TENM3: variants seen among roughly 807,000 people sequenced by gnomAD.
The protein encoded by TENM3 is teneurin transmembrane protein 3.
TENM3 carries 63 observed loss-of-function variants against 255.1 expected under a neutral mutation model. The observed-to-expected ratio is 0.25, with a 90% CI of 0.20 to 0.30. The LOEUF is 0.30. Among genes scored for constraint, TENM3 ranks in the 10% least tolerant of loss-of-function variants. The pLI is 1.00. For synonymous variants in TENM3, 1,306 were observed against 1,322.3 expected, an observed-to-expected ratio of 0.99 and a Z score of 0.27; for missense variants, 2,929 against 3,461.1, an observed-to-expected ratio of 0.85 and a Z score of 3.86.
upstream of TENM3, chr4:182,141,263 C>G (rs1749397194): frequency 6.6e-6 from 1 of 152,266 alleles, no homozygotes; most frequent in Non-Finnish European, 1.5e-5. Context: ...CGATGTCTTG[C>G]ATTTCTTCTC....
At chr4:181,754,612 G>A in the TENM3 span, among the ~76,000 whole-genome samples, 1 of 152,128 alleles carries the variant, frequency 6.6e-6, no homozygotes, top group African/African-American at 2.4e-5. Flanking sequence ...TATTAAATAT[G>A]TTTAAGAAAT....
the TENM3 span, among the ~76,000 whole-genome samples, chr4:181,506,401 G>A: frequency 1.3e-4 from 19 of 151,064 alleles, 1 homozygote; most frequent in Admixed American, 1.1e-3. Flanking sequence ...ATTTCTGGCC[G>A]CTGTATCTTA....
Position 182,743,727 on chromosome 4 carries a change from C to A in TENM3, c.3629+308C>A, listed in dbSNP as rs533514712. On this transcript the variant is annotated intron_variant, in intron 19 of 27. Transcript: ENST00000511685. ...ATCTCTTTCGCTTTCTTTAGAATAACCCTGTGACATAGGTGTAGCTCTTTT... is the reference window on the plus strand; with the variant it reads ...ATCTCTTTCGCTTTCTTTAGAATAAACCTGTGACATAGGTGTAGCTCTTTT... Among the ~76,000 whole-genome samples the A allele has an allele frequency of 6.6e-5, 10 of 152,224 alleles. No individual in the cohort carries two copies. The East Asian group carries it at 7.7e-4, about 12-fold the overall frequency.
At chr4:181,698,327 A>G in the TENM3 span, among the ~76,000 whole-genome samples, 1 of 152,194 alleles carries the variant, frequency 6.6e-6, no homozygotes, top group East Asian at 1.9e-4. Context: ...AAGACTATTA[A>G]CATCTGATTC....
the TENM3 span, among the ~76,000 whole-genome samples, chr4:181,841,491 T>C: frequency 1.3e-5 from 2 of 151,992 alleles, no homozygotes; most frequent in East Asian, 3.9e-4. Context: ...TTCCCATACA[T>C]CATCAAGTTT....
chr4:182,518,550 G>A (rs945680019), intron 3 of TENM3, among the ~76,000 whole-genome samples: 1 of 152,080 alleles, frequency 6.6e-6, no homozygotes, highest in Non-Finnish European at 1.5e-5. Flanking sequence ...GTGTTATGAA[G>A]CTGCTGTTAG....
chr4:181,553,319 C>T, the TENM3 span, among the ~76,000 whole-genome samples: 8 of 74,616 alleles, frequency 1.1e-4, no homozygotes, highest in Admixed American at 1.5e-4. Flanking sequence ...TATGTGTATG[C>T]GTATATATAT....
chr4:182,304,634 T>A (rs575811881), intron 1 of TENM3, among the ~76,000 whole-genome samples: 1 of 151,960 alleles, frequency 6.6e-6, no homozygotes, highest in South Asian at 2.1e-4. Flanking sequence ...AACACTGGAG[T>A]AGGTTTTTCT....
intron 1 of TENM3, chr4:182,169,305 T>G (rs1438261766): frequency 2.1e-6 from 1 of 480,594 alleles, no homozygotes; most frequent in Non-Finnish European, 4.3e-6. Context: ...GATCCTGCTG[T>G]TTCTACCATT....
chr4:182,713,854 A>G (rs1043586629), intron 12 of TENM3, among the ~76,000 whole-genome samples: 6 of 152,212 alleles, frequency 3.9e-5, no homozygotes, highest in Admixed American at 1.3e-4. Flanking sequence ...GGATCGTTGC[A>G]TATATTTCTG....
At chr4:181,491,279 T>C in the TENM3 span, among the ~76,000 whole-genome samples, 3 of 152,066 alleles carry the variant, frequency 2.0e-5, no homozygotes, top group Non-Finnish European at 4.4e-5. Flanking sequence ...TTTTTGTAAA[T>C]ATAAGTAAAA....
the TENM3 span, among the ~76,000 whole-genome samples, chr4:181,851,885 T>C: frequency 6.6e-6 from 1 of 151,998 alleles, no homozygotes; most frequent in Non-Finnish European, 1.5e-5. Context: ...TACCAAGCTG[T>C]TTGCCCCTTG....
At chr4:181,525,857 A>G in the TENM3 span, among the ~76,000 whole-genome samples, 5 of 152,154 alleles carry the variant, frequency 3.3e-5, no homozygotes, top group African/African-American at 1.2e-4. Flanking sequence ...TACTTCTCAC[A>G]TCTCCCTGTG....
At chr4:181,991,881 T>C in the TENM3 span, among the ~76,000 whole-genome samples, 3 of 152,110 alleles carry the variant, frequency 2.0e-5, no homozygotes, top group Non-Finnish European at 4.4e-5. Flanking sequence ...AATTAACTTT[T>C]GTAGACTACT....
the TENM3 span, among the ~76,000 whole-genome samples, chr4:181,666,954 A>G: frequency 2.0e-5 from 3 of 152,164 alleles, no homozygotes; most frequent in African/African-American, 7.2e-5. Context: ...ATATAAGTCT[A>G]TCTCATTCAT....
At chr4:181,526,330 A>G in the TENM3 span, among the ~76,000 whole-genome samples, 1 of 151,982 alleles carries the variant, frequency 6.6e-6, no homozygotes, top group Non-Finnish European at 1.5e-5. Context: ...TACAAAATGT[A>G]AAATCTACCA....
chr4:182,701,210 C>CTTTTTTTTTTTTGTTTTTT (rs1757835378), intron 12 of TENM3, among the ~76,000 whole-genome samples: 1 of 38,644 alleles, frequency 2.6e-5, no homozygotes, highest in African/African-American at 1.2e-4. Context: ...CAACTCTTGA[C>CTTTTTTTTTTTTGTTTTTT]TTTTTTTTTT....
chr4:182,790,606 C>T (rs796340043), intron 25 of TENM3, among the ~76,000 whole-genome samples: 6 of 152,302 alleles, frequency 3.9e-5, no homozygotes, highest in Admixed American at 1.3e-4. Context: ...AATCCGTCCT[C>T]TTGCAAACTC....
chr4:182,046,019 A>G, the TENM3 span, among the ~76,000 whole-genome samples: 1 of 152,104 alleles, frequency 6.6e-6, no homozygotes, highest in East Asian at 1.9e-4. Flanking sequence ...CAGTCAGGAG[A>G]GGAGCAAAGC....
Sources: allele counts gnomAD v4.1 joint callset (sites outside exome capture counted in the v4.1 genomes callset), GRCh38; gene constraint gnomAD v4.1.1; transcripts MANE v1.5; gene names NCBI Gene and HGNC (gene_info 2026-07-23, HGNC 2026-07-21).